Variants in FAM135B observed in about 807,000 individuals in gnomAD.
The protein encoded by FAM135B is protein FAM135B.
Under a neutral mutation model 127.7 loss-of-function variants are expected in FAM135B, and 43 were observed. That is an observed-to-expected ratio of 0.34 (90% CI 0.26 to 0.43). The LOEUF (loss-of-function observed/expected upper bound fraction) is 0.43. FAM135B is among the 20% of genes least tolerant of loss of function. The pLI is 1.00. For missense variants in FAM135B, 1,558 were observed against 1,725.6 expected, an observed-to-expected ratio of 0.90 and a Z score of 1.72; for synonymous variants, 670 against 665.1, an observed-to-expected ratio of 1.01 and a Z score of -0.11.
chr8:138,273,548 C>T (rs1823559291), intron 3 of FAM135B, among the ~76,000 whole-genome samples: 1 of 152,190 alleles, frequency 6.6e-6, no homozygotes. Flanking sequence ...AGAAAGCAGG[C>T]TTGGCCCAGG....
At chr8:138,218,193 G>T (rs1360864875) in intron 7 of FAM135B, among the ~76,000 whole-genome samples, 2 of 152,144 alleles carry the variant, frequency 1.3e-5, no homozygotes, top group East Asian at 3.9e-4. Context: ...ACCAAAAAAT[G>T]TCTGTGCATA....
At chr8:138,149,054 C>T (rs1449197983) in intron 13 of FAM135B, among the ~76,000 whole-genome samples, 5 of 151,470 alleles carry the variant, frequency 3.3e-5, no homozygotes, top group African/African-American at 9.7e-5. Context: ...GGGTGCAGCA[C>T]ACCAACATGG....
At chr8:138,472,359 G>A (rs1837730076) in intron 1 of FAM135B, among the ~76,000 whole-genome samples, 1 of 152,170 alleles carries the variant, frequency 6.6e-6, no homozygotes, top group Non-Finnish European at 1.5e-5. Flanking sequence ...GGAGGGAGTA[G>A]GGAGGATCTG....
chr8:138,359,251 C>T (rs529621694), intron 2 of FAM135B, among the ~76,000 whole-genome samples: 14 of 152,224 alleles, frequency 9.2e-5, no homozygotes, highest in African/African-American at 1.2e-4. Context: ...ATGAACAAGG[C>T]TACCTACCCC....
chr8:138,386,213 T>A (rs1832204453), intron 1 of FAM135B, among the ~76,000 whole-genome samples: 1 of 144,444 alleles, frequency 6.9e-6, no homozygotes. Flanking sequence ...GGAAACTCCA[T>A]CTCAAAAAAA....
At chr8:138,338,154 C>T (rs1330005941) in intron 2 of FAM135B, among the ~76,000 whole-genome samples, 17 of 152,088 alleles carry the variant, frequency 1.1e-4, no homozygotes, top group Non-Finnish European at 2.5e-4. Context: ...ACCATAAAAA[C>T]CCTAGAAGAA....
At chr8:138,245,821 T>A (rs1821235870) in intron 6 of FAM135B, among the ~76,000 whole-genome samples, 1 of 152,124 alleles carries the variant, frequency 6.6e-6, no homozygotes, top group African/African-American at 2.4e-5. Context: ...AAGTTTGGAA[T>A]TTCCTAGAAA....
intron 1 of FAM135B, among the ~76,000 whole-genome samples, chr8:138,388,677 G>T (rs1219189269): frequency 6.6e-6 from 1 of 152,186 alleles, no homozygotes; most frequent in Non-Finnish European, 1.5e-5. Flanking sequence ...CCAAATATAT[G>T]ATGTTGTAGA....
At chr8:138,334,750 T>A (rs1587127606) in intron 2 of FAM135B, among the ~76,000 whole-genome samples, 1 of 152,212 alleles carries the variant, frequency 6.6e-6, no homozygotes, top group South Asian at 2.1e-4. Context: ...TGCATAGTAT[T>A]CTACGGTGTA....
rs752363670 is a variant in FAM135B, at chr8:138,256,751, G to A, written c.306C>T (p.Asp102=). The part of the protein sequence containing the change: ...HLLLGGERME[D]ALSEVDFQLK... ...GTTGAAAATCTACTTCACTCAGTGCGTCTTCCATCTGCAAAAGAAACAAAG... is the reference window on the plus strand; with the variant it reads ...GTTGAAAATCTACTTCACTCAGTGCATCTTCCATCTGCAAAAGAAACAAAG... Residue 102 remains aspartate, a synonymous_variant, in exon 5 of 20, where the codon GAC becomes GAT. Coordinates refer to ENST00000395297, the MANE Select transcript of FAM135B (RefSeq NM_015912.4). 1.1e-5 allele frequency: 18 copies of A among 1,613,424 alleles called. No homozygotes were observed. The East Asian group carries it at 1.3e-4, about 12-fold the overall frequency.
chr8:138,375,601 G>A (rs4909780), intron 1 of FAM135B, among the ~76,000 whole-genome samples: 64,957 of 151,962 alleles, frequency 0.43, 14,640 homozygotes, highest in East Asian at 0.64. Context: ...ACGTAAAGTC[G>A]AAGCCACCTA....
At position 138,323,681 on chromosome 8, in the gene FAM135B, G is replaced by T. The variant is rs138269129; in HGVS notation, c.78-12761C>A. ...TAAGTTATATGCTTGATTATTTGAA[G>T]CCAAATACACTTCTTACTGTGGGAT... On this transcript the variant is annotated intron_variant, in intron 2 of 19. Transcript: ENST00000395297. Among the ~76,000 whole-genome samples, 1,064 of 152,252 alleles carry T rather than the reference G, an allele frequency of 7.0e-3. 9 individuals are homozygous for T. The highest frequency in any genetic ancestry group is 0.024 in the African/African-American group (996 of 41,554).
Position 138,230,034 on chromosome 8 carries a change from G to A in FAM135B, c.669+12908C>T, listed in dbSNP as rs116731574. ...TTCCAAAGGCACCACAGAAAGAGGT[G>A]GAGAGTAGCACATAAAATATTTTTC... On this transcript the variant is annotated intron_variant, in intron 7 of 19. Coordinates refer to ENST00000395297, the MANE Select transcript of FAM135B (RefSeq NM_015912.4). 5.6e-3 allele frequency among the ~76,000 whole-genome samples: 853 copies of A among 152,264 alleles called. 14 individuals are homozygous for A. Among genetic ancestry groups the A allele is most frequent in the African/African-American group, 0.02 (816 of 41,560 alleles).
chr8:138,153,688 G>A (rs1818408961), intron 12 of FAM135B, among the ~76,000 whole-genome samples: 1 of 152,310 alleles, frequency 6.6e-6, no homozygotes, highest in South Asian at 2.1e-4. Flanking sequence ...CTAGCTCACT[G>A]CTAGCACAGC....
intron 6 of FAM135B, among the ~76,000 whole-genome samples, chr8:138,248,292 C>A (rs750277725): frequency 4.6e-5 from 7 of 152,204 alleles, no homozygotes; most frequent in Non-Finnish European, 8.8e-5. Flanking sequence ...CCTTGCTTAA[C>A]AGGTATTGCT....
chr8:138,141,367 G>T lies in FAM135B; in HGVS notation c.3639-18C>A, dbSNP rs2130600459. ...CAATGAAGCTGTGGAGAAACAGAAG[G>T]GGTACCCATGAGTGTGACGGTGAAT... On this transcript the variant is annotated intron_variant, in intron 16 of 19. Transcript: ENST00000395297. This position sits in a 1 kb window ranked among gnomAD's most constrained non-coding sequence, Gnocchi z 4.7. 6.2e-7 allele frequency: 1 copy of T among 1,613,794 alleles called. No individual in the cohort carries two copies. Among genetic ancestry groups the T allele is most frequent in the South Asian group, 1.1e-5 (1 of 91,018 alleles).
chr8:138,283,921 C>T (rs755239369), intron 3 of FAM135B, among the ~76,000 whole-genome samples: 5 of 151,728 alleles, frequency 3.3e-5, no homozygotes, highest in East Asian at 2.0e-4. Flanking sequence ...ACAGCATGGG[C>T]GAAGGTAGCT....
intron 3 of FAM135B, among the ~76,000 whole-genome samples, chr8:138,289,466 A>G (rs1415577551): frequency 2.0e-5 from 3 of 152,224 alleles, no homozygotes; most frequent in Non-Finnish European, 2.9e-5. Flanking sequence ...TGTCTGCTTT[A>G]GCCCCAAAGC....
rs1047100206 is a variant in FAM135B, at chr8:138,197,676, G to T, written c.670-7C>A. 2.5e-6 allele frequency: 4 copies of T among 1,611,926 alleles called. No homozygotes were observed. In the African/African-American group the frequency reaches 4.0e-5, roughly 16 times the overall value. ...AGGTGATGTAGAAGCTTCCCTAAGG[G>T]GTGAAACAGAAACAGAGGCTGAGGA... is the stretch of plus-strand genomic sequence containing the variant. On this transcript the variant is annotated splice_region_variant and splice_polypyrimidine_tract_variant and intron_variant, in intron 7 of 19. Coordinates refer to ENST00000395297, the MANE Select transcript of FAM135B (RefSeq NM_015912.4).
Sources: gnomAD v4.1 joint callset for allele counts (sites outside exome capture counted in the v4.1 genomes callset) on GRCh38, gnomAD v4.1.1 for gene constraint, Gnocchi (gnomAD v3.1) non-coding constraint, MANE v1.5 for transcripts, NCBI Gene and HGNC (gene_info 2026-07-23, HGNC 2026-07-21) for gene names.